Variants in KCNIP4 observed in about 807,000 individuals in gnomAD.
The protein encoded by KCNIP4 is Kv channel-interacting protein 4.
KCNIP4 carries 12 observed loss-of-function variants against 34.0 expected under a neutral mutation model. The observed-to-expected ratio is 0.35, with a 90% CI of 0.23 to 0.57. The LOEUF (loss-of-function observed/expected upper bound fraction) is 0.57, where lower values mean the gene tolerates loss of function less well. KCNIP4 is among the 20% of genes least tolerant of loss of function. The pLI is 0.83. For synonymous variants in KCNIP4, 124 were observed against 102.2 expected, an observed-to-expected ratio of 1.21 and a Z score of -1.29; for missense variants, 238 against 311.7, an observed-to-expected ratio of 0.76 and a Z score of 1.78.
chr4:21,926,494 C>T (rs373056514), intron 1 of KCNIP4, among the ~76,000 whole-genome samples: 1 of 152,162 alleles, frequency 6.6e-6, no homozygotes, highest in African/African-American at 2.4e-5. Context: ...CTTTAAAGAA[C>T]CCTCATAATC....
chr4:21,519,702 G>GTATGTATGTGTATATACACACGTGTGTA (rs1560480753), intron 1 of KCNIP4, among the ~76,000 whole-genome samples: 5 of 138,988 alleles, frequency 3.6e-5, no homozygotes, highest in Non-Finnish European at 7.6e-5. Context: ...ACACGTGTGT[G>GTATGTATGTGTATATACACACGTGTGTA]TATGTATGTG....
intron 1 of KCNIP4, among the ~76,000 whole-genome samples, chr4:20,928,368 G>C (rs1730106367): frequency 6.6e-6 from 1 of 150,956 alleles, no homozygotes; most frequent in East Asian, 1.9e-4. Flanking sequence ...ACATGCTCCT[G>C]AATGACCAAT....
intron 1 of KCNIP4, among the ~76,000 whole-genome samples, chr4:21,375,807 T>C (rs1292782131): frequency 1.3e-5 from 2 of 152,134 alleles, no homozygotes; most frequent in Non-Finnish European, 2.9e-5. Flanking sequence ...GACCTCGTGA[T>C]TGGCCCGCCT....
intron 5 of KCNIP4, among the ~76,000 whole-genome samples, chr4:20,738,510 A>G (rs924388667): frequency 3.3e-5 from 5 of 152,148 alleles, no homozygotes; most frequent in African/African-American, 1.2e-4. Flanking sequence ...GCTTCCAGGG[A>G]TCACACTTTG....
chr4:21,676,464 T>G (rs1433234005), intron 1 of KCNIP4, among the ~76,000 whole-genome samples: 4 of 152,198 alleles, frequency 2.6e-5, no homozygotes, highest in African/African-American at 9.6e-5. Flanking sequence ...TATTTTTAGA[T>G]GAACAGGAGA....
chr4:21,406,319 C>T (rs1467290590), intron 1 of KCNIP4, among the ~76,000 whole-genome samples: 4 of 152,112 alleles, frequency 2.6e-5, no homozygotes, highest in Non-Finnish European at 5.9e-5. Context: ...AAACCCTCTC[C>T]TATCTCTTCC....
chr4:21,623,976 G>GAA (rs1745153670), intron 1 of KCNIP4, among the ~76,000 whole-genome samples: 1 of 151,780 alleles, frequency 6.6e-6, no homozygotes, highest in Non-Finnish European at 1.5e-5. Flanking sequence ...GTGGGTGATG[G>GAA]TGATATATAT....
At chr4:21,286,606 A>G (rs1275200352) in intron 1 of KCNIP4, among the ~76,000 whole-genome samples, 2 of 152,208 alleles carry the variant, frequency 1.3e-5, no homozygotes. Context: ...GATGTTTGTC[A>G]GAAACCGCTG....
chr4:21,905,946 C>A (rs1727978753), intron 1 of KCNIP4, among the ~76,000 whole-genome samples: 1 of 152,164 alleles, frequency 6.6e-6, no homozygotes, highest in African/African-American at 2.4e-5. Flanking sequence ...TGACTTGCCA[C>A]ACGTAACACT....
intron 1 of KCNIP4, among the ~76,000 whole-genome samples, chr4:21,439,254 T>C (rs1727234332): frequency 6.6e-6 from 1 of 151,954 alleles, no homozygotes. Flanking sequence ...TCTCCTATGA[T>C]GTGGGAATGT....
In KCNIP4 at chr4:21,472,379, C is replaced by G. The variant is rs764266337; in HGVS notation, c.61+476192G>C. ...AGAGAGAGGAAAGTCTCCAGTCCCC[C>G]CAGAGTGCTCACAACATGAGTGAGA... On this transcript the variant is annotated intron_variant, in intron 1 of 8. Transcript: ENST00000382152. Among the ~76,000 whole-genome samples, 6 of 152,032 alleles carry G rather than the reference C, an allele frequency of 3.9e-5. No homozygotes were observed. The East Asian group carries it at 9.7e-4, about 25-fold the overall frequency.
At chr4:21,854,227 CT>C in intron 1 of KCNIP4, among the ~76,000 whole-genome samples, 1 of 152,296 alleles carries the variant, frequency 6.6e-6, no homozygotes, top group Non-Finnish European at 1.5e-5. Context: ...GACATAACTG[CT>C]CCTGCACTCA....
intron 1 of KCNIP4, among the ~76,000 whole-genome samples, chr4:21,325,872 C>T (rs1714988726): frequency 6.6e-6 from 1 of 151,810 alleles, no homozygotes; most frequent in Non-Finnish European, 1.5e-5. Flanking sequence ...CATTCAGAAG[C>T]CTGTTGTTTA....
At chr4:21,462,098 T>A (rs1328119164) in intron 1 of KCNIP4, among the ~76,000 whole-genome samples, 1 of 152,074 alleles carries the variant, frequency 6.6e-6, no homozygotes, top group East Asian at 1.9e-4. Flanking sequence ...AATACATTCT[T>A]ATTAACTATA....
At position 21,102,846 on chromosome 4, in the gene KCNIP4, G is replaced by C. The variant is rs78606647; in HGVS notation, c.62-220137C>G. On this transcript the variant is annotated intron_variant, in intron 1 of 8. Coordinates refer to ENST00000382152, the MANE Select transcript of KCNIP4 (RefSeq NM_025221.6). ...AAAAGTCCCTCTGTGACAGAGACTTGTTCTGTGGTTATGCATTTCCCTTTC... is the reference window on the plus strand; with the variant it reads ...AAAAGTCCCTCTGTGACAGAGACTTCTTCTGTGGTTATGCATTTCCCTTTC... 2.3e-3 allele frequency among the ~76,000 whole-genome samples: 343 copies of C among 152,158 alleles called. 1 individual carries two copies. Among genetic ancestry groups the C allele is most frequent in the African/African-American group, 8.0e-3 (334 of 41,542 alleles).
chr4:21,347,832 G>T lies in KCNIP4; in HGVS notation c.62-465123C>A, dbSNP rs528916760. On this transcript the variant is annotated intron_variant, in intron 1 of 8. Coordinates refer to ENST00000382152, the MANE Select transcript of KCNIP4 (RefSeq NM_025221.6). ...ATCATGTGGAGTCTCAGGGAGATAA[G>T]AAATAATAAAATAATACATCCAAGC... 7.9e-5 allele frequency among the ~76,000 whole-genome samples: 12 copies of T among 152,128 alleles called. 1 individual carries two copies. Among genetic ancestry groups the T allele is most frequent in the African/African-American group, 2.9e-4 (12 of 41,496 alleles).
At chr4:21,682,718 G>A (rs1750463576) in intron 1 of KCNIP4, among the ~76,000 whole-genome samples, 1 of 152,032 alleles carries the variant, frequency 6.6e-6, no homozygotes, top group Admixed American at 6.6e-5. Context: ...GTTATTAATT[G>A]AACTAATTGT....
intron 1 of KCNIP4, among the ~76,000 whole-genome samples, chr4:21,595,054 T>G (rs1028650963): frequency 1.3e-5 from 2 of 152,120 alleles, no homozygotes; most frequent in Non-Finnish European, 2.9e-5. Flanking sequence ...ACATGTGCCA[T>G]GGTGATTTAC....
chr4:20,979,547 C>T (rs1180258103), intron 1 of KCNIP4, among the ~76,000 whole-genome samples: 2 of 152,046 alleles, frequency 1.3e-5, no homozygotes, highest in African/African-American at 2.4e-5. Context: ...TACCGGCGCC[C>T]GCCACCTCGC....
Sources: gnomAD v4.1 joint callset for allele counts (sites outside exome capture counted in the v4.1 genomes callset) on GRCh38, gnomAD v4.1.1 for gene constraint, MANE v1.5 for transcripts, NCBI Gene and HGNC (gene_info 2026-07-23, HGNC 2026-07-21) for gene names.